DIAPH3: variants seen among roughly 807,000 people sequenced by gnomAD.
DIAPH3 encodes the protein diaphanous related formin 3.
DIAPH3 carries 117 observed loss-of-function variants against 144.3 expected under a neutral mutation model. The observed-to-expected ratio is 0.81, with a 90% CI of 0.70 to 0.95. The LOEUF is 0.95. Ranked by LOEUF, DIAPH3 falls within the 40% of genes least tolerant of loss-of-function variation. The pLI is 0.00. For synonymous variants in DIAPH3, 519 were observed against 488.9 expected (o/e 1.06, Z -0.81); for missense variants, 1,421 against 1,412.7 (o/e 1.01, Z -0.09).
intron 27 of DIAPH3, among the ~76,000 whole-genome samples, chr13:59,763,330 G>A (rs961790718): frequency 6.6e-6 from 1 of 150,922 alleles, no homozygotes; most frequent in African/African-American, 2.4e-5. Context: ...ATACATATAT[G>A]TGTGTACACA....
chr13:59,908,769 C>CTAA (rs911745566), intron 20 of DIAPH3, among the ~76,000 whole-genome samples: 3 of 152,052 alleles, frequency 2.0e-5, no homozygotes, highest in African/African-American at 7.2e-5. Context: ...AGAATTTTAA[C>CTAA]TAATTTTTGT....
At chr13:59,835,347 A>G (rs983403252) in intron 23 of DIAPH3, among the ~76,000 whole-genome samples, 2 of 151,476 alleles carry the variant, frequency 1.3e-5, no homozygotes, top group Non-Finnish European at 3.0e-5. Flanking sequence ...TTTTTAACAT[A>G]GTAATAAGTA....
chr13:60,074,361 T>C (rs2057307951), intron 4 of DIAPH3, among the ~76,000 whole-genome samples: 1 of 152,178 alleles, frequency 6.6e-6, no homozygotes, highest in Non-Finnish European at 1.5e-5. Flanking sequence ...CTGGATTATT[T>C]TAGGCTAAAA....
intron 2 of DIAPH3, among the ~76,000 whole-genome samples, chr13:60,128,769 T>A (rs1453686773): frequency 6.6e-6 from 1 of 151,720 alleles, no homozygotes; most frequent in Non-Finnish European, 1.5e-5. Context: ...TTTAGTGGAT[T>A]CAATTACCTT....
At chr13:59,934,279 C>T (rs1298658756) in intron 17 of DIAPH3, among the ~76,000 whole-genome samples, 2 of 151,918 alleles carry the variant, frequency 1.3e-5, no homozygotes, top group African/African-American at 4.8e-5. Flanking sequence ...AAGTTTTTTT[C>T]TGGTATGCCT....
chr13:60,014,974 G>GTTTTA (rs2053539564), intron 7 of DIAPH3, among the ~76,000 whole-genome samples: 1 of 148,242 alleles, frequency 6.7e-6, no homozygotes, highest in Non-Finnish European at 1.5e-5. Context: ...TAGTTTTTTT[G>GTTTTA]TTTTGTTTTG....
intron 25 of DIAPH3, among the ~76,000 whole-genome samples, chr13:59,799,162 GATC>G (rs1283997795): frequency 1.3e-5 from 2 of 152,016 alleles, no homozygotes; most frequent in South Asian, 2.1e-4. Flanking sequence ...GCAAACCAGT[GATC>G]ACCTTTACCA....
chr13:59,825,981 A>AC (rs1256739750), intron 24 of DIAPH3, among the ~76,000 whole-genome samples: 10 of 152,128 alleles, frequency 6.6e-5, no homozygotes, highest in South Asian at 2.1e-4. Flanking sequence ...AAATTCAACA[A>AC]CCTTCATGCT....
chr13:59,905,342 C>CAAAAA (rs59114311), intron 20 of DIAPH3, among the ~76,000 whole-genome samples: 4 of 69,760 alleles, frequency 5.7e-5, no homozygotes, highest in Non-Finnish European at 9.6e-5. Flanking sequence ...GACTCTGTCT[C>CAAAAA]AAAAAAAAAA....
intron 25 of DIAPH3, among the ~76,000 whole-genome samples, chr13:59,797,355 A>G (rs987262658): frequency 6.6e-6 from 1 of 152,192 alleles, no homozygotes; most frequent in African/African-American, 2.4e-5. Context: ...ATAATATGCG[A>G]TAAATAAATA....
rs537028177 is a variant in DIAPH3, at chr13:60,042,678, T to C, written c.626+12A>G. 27 of 1,613,410 alleles carry C rather than the reference T, an allele frequency of 1.7e-5. No homozygotes were observed. The highest frequency in any genetic ancestry group is 5.0e-5 in the Admixed American group (3 of 59,988). ...GACATCTGCCCTGTTGGTGTTCAAA[T>C]AGATGAATTACCTCACAGGATTGCT... On this transcript the variant is annotated intron_variant, in intron 5 of 27. Coordinates refer to ENST00000400324, the MANE Select transcript of DIAPH3 (RefSeq NM_001042517.2).
At chr13:60,065,149 A>G (rs2056906901) in intron 4 of DIAPH3, among the ~76,000 whole-genome samples, 1 of 152,012 alleles carries the variant, frequency 6.6e-6, no homozygotes, top group Admixed American at 6.6e-5. Flanking sequence ...AAGAACTACC[A>G]AATACCAAAA....
intron 27 of DIAPH3, among the ~76,000 whole-genome samples, chr13:59,739,471 G>T (rs2036333564): frequency 1.3e-5 from 2 of 152,096 alleles, no homozygotes; most frequent in Admixed American, 6.5e-5. Context: ...GAGTATTAAT[G>T]ATTACAGCAC....
At chr13:60,003,180 T>C (rs1027058464) in intron 9 of DIAPH3, among the ~76,000 whole-genome samples, 2 of 152,098 alleles carry the variant, frequency 1.3e-5, no homozygotes, top group African/African-American at 2.4e-5. Context: ...GCACTTCCAT[T>C]AGAGCATTGC....
intron 27 of DIAPH3, among the ~76,000 whole-genome samples, chr13:59,729,422 C>T (rs2035769782): frequency 6.6e-6 from 1 of 152,036 alleles, no homozygotes; most frequent in Non-Finnish European, 1.5e-5. Flanking sequence ...TAGAAAGATA[C>T]CATTCAATAA....
intron 20 of DIAPH3, among the ~76,000 whole-genome samples, chr13:59,885,228 T>C (rs1336355322): frequency 6.6e-6 from 1 of 152,050 alleles, no homozygotes; most frequent in Admixed American, 6.6e-5. Context: ...CACACAGTCT[T>C]AACACATAAG....
At chr13:59,806,964 A>G (rs914259104) in intron 25 of DIAPH3, among the ~76,000 whole-genome samples, 1 of 151,836 alleles carries the variant, frequency 6.6e-6, no homozygotes, top group Non-Finnish European at 1.5e-5. Context: ...AGTAACCTCT[A>G]TTTCATAAAA....
intron 20 of DIAPH3, among the ~76,000 whole-genome samples, chr13:59,883,686 A>G (rs886607423): frequency 7.9e-5 from 12 of 152,208 alleles, no homozygotes; most frequent in Non-Finnish European, 8.8e-5. Context: ...CCTAGAGCTA[A>G]CTTGCTGCTA....
chr13:59,697,144 G>C lies in DIAPH3; in HGVS notation c.3320-30298C>G, dbSNP rs573481121. On this transcript the variant is annotated intron_variant, in intron 27 of 27. Transcript: ENST00000400324. ...CACATGCTGACAATAGGATAGGTAA[G>C]ACAGCAGAAAGGTTTTTAGAAGAGG... Among the ~76,000 whole-genome samples, 4 of 152,024 alleles carry C rather than the reference G, an allele frequency of 2.6e-5. No individual in the cohort carries two copies. The East Asian group carries it at 7.8e-4, about 30-fold the overall frequency.
Sources: gnomAD v4.1 joint callset for allele counts (sites outside exome capture counted in the v4.1 genomes callset) on GRCh38, gnomAD v4.1.1 for gene constraint, MANE v1.5 for transcripts, NCBI Gene and HGNC (gene_info 2026-07-23, HGNC 2026-07-21) for gene names.